The following CSF3R variants were observed in gnomAD, a reference collection of about 807,000 sequenced individuals.
CSF3R encodes colony stimulating factor 3 receptor.
CSF3R carries 52 observed loss-of-function variants against 84.4 expected under a neutral mutation model. The ratio of observed to expected loss-of-function variants is 0.62; its 90% CI spans 0.49 to 0.78. The LOEUF is 0.78. CSF3R is among the 30% of genes least tolerant of loss of function. The pLI, the probability that CSF3R is intolerant of heterozygous loss-of-function variation, is 0.00. For missense variants in CSF3R, 890 were observed against 1,055.7 expected, an observed-to-expected ratio of 0.84 and a Z score of 2.17; for synonymous variants, 384 against 429.1, an observed-to-expected ratio of 0.89 and a Z score of 1.30.
chr1:36,474,527 C>T (rs1295932418), intron 4 of CSF3R, among the ~76,000 whole-genome samples: 7 of 151,382 alleles, frequency 4.6e-5, no homozygotes, highest in Non-Finnish European at 4.4e-5. Flanking sequence ...GTTGGCCAGG[C>T]TGTTCTCAAA....
intron 11 of CSF3R, 136 bp downstream of exon 11, chr1:36,469,516 A>G (rs1570582202): frequency 1.8e-6 from 2 of 1,113,702 alleles, no homozygotes; most frequent in African/African-American, 1.5e-5. Context: ...AGGATATGAA[A>G]TGAGAACAAC....
chr1:36,467,928 G>A lies in CSF3R; in HGVS notation c.1758C>T (p.Val586=). The part of the protein sequence containing the change: ...AILNASSRGF[V]LHGLEPASLY... ...GACTGGCGGGCTCCAGGCCATGGAG[G>A]ACAAAGCCACGGGAGGAGGCATTCA... is the stretch of plus-strand genomic sequence containing the variant. The change falls in exon 14 of 17, where the codon GTC becomes GTT. Residue 586 remains valine, a synonymous_variant. Transcript: ENST00000373106. The surrounding 1 kb of genome is among the most constrained non-coding windows in gnomAD (Gnocchi z 4.1). 1 of 1,614,224 alleles carries A rather than the reference G, an allele frequency of 6.2e-7. No homozygotes were observed. The highest frequency in any genetic ancestry group is 1.1e-5 in the South Asian group (1 of 91,092).
chr1:36,467,452 G>T lies in CSF3R; in HGVS notation c.1958+106C>A. On this transcript the variant is annotated intron_variant, in intron 15 of 16. Transcript: ENST00000373106. The surrounding 1 kb of genome is among the most constrained non-coding windows in gnomAD (Gnocchi z 4.1). ...TGGGGGCTGGGACTCTCAGACATGG[G>T]CCCCAAAGTTTGGGAAGGCTGGAAG... 1 of 1,418,486 alleles carries T rather than the reference G, an allele frequency of 7.0e-7. No homozygotes were observed. Among genetic ancestry groups the T allele is most frequent in the Non-Finnish European group, 1.0e-6 (1 of 1,003,800 alleles). 87.9% of individuals were successfully genotyped at this position (1,418,486 alleles called of 1,614,324 possible).
intron 3 of CSF3R, chr1:36,475,914 T>C: frequency 2.0e-6 from 1 of 507,432 alleles, no homozygotes. Context: ...AGACCCTGGT[T>C]TGTAGTGTGT....
At chr1:36,471,248 T>C (rs1335203733) in intron 10 of CSF3R, among the ~76,000 whole-genome samples, 185 bp downstream of exon 10, 2 of 152,190 alleles carry the variant, frequency 1.3e-5, no homozygotes, top group African/African-American at 2.4e-5. Context: ...GGTTTCACCA[T>C]GTAGGCCAGG....
At position 36,475,466 on chromosome 1, in the gene CSF3R, T is replaced by C. The variant is rs148307285; in HGVS notation, c.272A>G (p.His91Arg). Residue 91 changes from histidine (H) to arginine (R), a missense_variant, in exon 4 of 17, where the codon CAC becomes CGC. His to Arg is a conservative substitution (Grantham distance 29). Coordinates refer to ENST00000373106, the MANE Select transcript of CSF3R (RefSeq NM_000760.4). Reference protein sequence around the residue: ...GTQESIITLPHLNHTQAFLSC... With the variant: ...GTQESIITLPRLNHTQAFLSC... ...GAGAAAGGCCTGAGTGTGGTTGAGG[T>C]GGGGCAGGGTGATGATAGATTCCTG... The C allele has an allele frequency of 5.1e-5, 83 of 1,613,912 alleles. No homozygotes were observed. The African/African-American group carries it at 9.7e-4, about 19-fold the overall frequency.
At chr1:36,474,891 T>G (rs2124133540) in intron 4 of CSF3R, among the ~76,000 whole-genome samples, 1 of 152,282 alleles carries the variant, frequency 6.6e-6, no homozygotes, top group African/African-American at 2.4e-5. Context: ...AACCTCAGTT[T>G]CATCATCTGC....
intron 11 of CSF3R, 24 bp downstream of exon 11, chr1:36,469,628 C>T (rs2124109211): frequency 6.2e-7 from 1 of 1,613,472 alleles, no homozygotes. Flanking sequence ...CCTGGCCCTG[C>T]CCAACTTTCC....
At chr1:36,477,862 C>T (rs1177355796) in intron 3 of CSF3R, among the ~76,000 whole-genome samples, 1 of 151,548 alleles carries the variant, frequency 6.6e-6, no homozygotes, top group Non-Finnish European at 1.5e-5. Context: ...GGGCTCACGC[C>T]ATTGTCCTGC....
At position 36,466,750 on chromosome 1, in the gene CSF3R, C is replaced by T. The variant is rs776938018; in HGVS notation, c.2118G>A (p.Pro706=). The T allele has an allele frequency of 5.9e-5, 96 of 1,614,052 alleles. No individual in the cohort carries two copies. The highest frequency in any genetic ancestry group is 6.6e-5 in the South Asian group (6 of 91,090). Residue 706 remains proline (P), a synonymous_variant, in exon 17 of 17, where the codon CCG becomes CCA. Coordinates refer to ENST00000373106, the MANE Select transcript of CSF3R (RefSeq NM_000760.4). The surrounding 1 kb of genome is among the most constrained non-coding windows in gnomAD (Gnocchi z 4.6). ...AGCTGTTATGGGACTCCCAGGGCAC[C>T]GGCTTCTTTTCATCCTCCTCCAGCA... is the stretch of plus-strand genomic sequence containing the variant. ...LTVLEEDEKK[P]VPWESHNSSE... is the part of the protein sequence containing the mutation.
At chr1:36,476,739 C>T (rs747985134) in intron 3 of CSF3R, among the ~76,000 whole-genome samples, 1 of 152,106 alleles carries the variant, frequency 6.6e-6, no homozygotes, top group Non-Finnish European at 1.5e-5. Context: ...CGGCTCAGTG[C>T]ACCCTTGACC....
Position 36,466,833 on chromosome 1 carries a change from C to T in CSF3R, c.2041-6G>A. 6 of 1,614,146 alleles carry T rather than the reference C, an allele frequency of 3.7e-6. No homozygotes were observed. Among genetic ancestry groups the T allele is most frequent in the South Asian group, 1.1e-5 (1 of 91,084 alleles). On this transcript the variant is annotated splice_region_variant and splice_polypyrimidine_tract_variant and intron_variant, in intron 16 of 16. Coordinates refer to ENST00000373106, the MANE Select transcript of CSF3R (RefSeq NM_000760.4). The surrounding 1 kb of genome is among the most constrained non-coding windows in gnomAD (Gnocchi z 4.6). ...CCGGGCAGCTGGAAGGCATCCTGCA[C>T]ACAAGGATGTGGGGTGAGAGCACGG...
intron 3 of CSF3R, among the ~76,000 whole-genome samples, chr1:36,478,256 C>T (rs1351123433): frequency 2.6e-5 from 4 of 151,736 alleles, no homozygotes; most frequent in Admixed American, 6.6e-5. Context: ...GGGCTGGGCG[C>T]GGTGGTTCAT....
In CSF3R at chr1:36,466,603, CA is replaced by C. The variant is rs753953063; in HGVS notation, c.2264del (p.Leu755ArgfsTer47). On this transcript the variant is annotated frameshift_variant, in exon 17 of 17. Transcript: ENST00000373106. LOFTEE classifies it high-confidence loss of function. This position sits in a 1 kb window ranked among gnomAD's most constrained non-coding sequence, Gnocchi z 4.6. ...GCCCTGGGCTTGTGGGGCTGCCCAG[CA>C]GCTGCCCATAAAGGACCTGATCGCT... ...GTSDQVLYGQ[L>X]LGSPTSPGPG... 1 of 1,613,312 alleles carries C rather than the reference CA, an allele frequency of 6.2e-7. No individual in the cohort carries two copies. The highest frequency in any genetic ancestry group is 8.5e-7 in the Non-Finnish European group (1 of 1,179,484).
chr1:36,475,585 G>A lies in CSF3R; in HGVS notation c.153C>T (p.Asn51=), dbSNP rs1557597591. ...GTGGCTCCGGGTCCAGATGGCTGCA[G>A]TTCTGCTTGATGATGCAGGAGGCTG... ...PITASCIIKQ[N]CSHLDPEPQI... is the part of the protein sequence containing the mutation. Residue 51 remains asparagine, a synonymous_variant, in exon 4 of 17, where the codon AAC becomes AAT. Transcript: ENST00000373106. 1 of 1,612,438 alleles carries A rather than the reference G, an allele frequency of 6.2e-7. No homozygotes were observed. Among genetic ancestry groups the A allele is most frequent in the African/African-American group, 1.3e-5 (1 of 75,006 alleles).
chr1:36,473,209 C>A (rs775351188), intron 6 of CSF3R: 31 of 593,088 alleles, frequency 5.2e-5, no homozygotes, highest in Non-Finnish European at 8.7e-5. Flanking sequence ...ACGCTGAAAG[C>A]ATGACTGAAT....
At chr1:36,473,060 C>A (rs773031852) in intron 6 of CSF3R, 3 of 396,840 alleles carry the variant, frequency 7.6e-6, no homozygotes, top group East Asian at 4.7e-5. Context: ...CCTTTAATTT[C>A]TCCTTTCTGC....
At position 36,472,359 on chromosome 1, in the gene CSF3R, A is replaced by G; in HGVS notation, c.876T>C (p.Tyr292=). ...VGPLPLEALQ[Y]ELCGLLPATA... Reference sequence around the variant, plus strand: ...TGGCTGGGAGGAGCCCGCAGAGCTCATACTGAAGGGCCTCCAAGGGGAGGG... The same window carrying G: ...TGGCTGGGAGGAGCCCGCAGAGCTCGTACTGAAGGGCCTCCAAGGGGAGGG... Residue 292 remains tyrosine, a synonymous_variant, in exon 8 of 17, where the codon TAT becomes TAC. Transcript: ENST00000373106. This position sits in a 1 kb window ranked among gnomAD's most constrained non-coding sequence, Gnocchi z 5.0. 6.2e-7 allele frequency: 1 copy of G among 1,614,106 alleles called. No homozygotes were observed. The highest frequency in any genetic ancestry group is 8.5e-7 in the Non-Finnish European group (1 of 1,179,984).
intron 3 of CSF3R, 155 bp from the exon 4 acceptor site, chr1:36,475,828 T>C: frequency 1.4e-6 from 1 of 715,864 alleles, no homozygotes; most frequent in South Asian, 2.0e-5. Context: ...GACGGAGACT[T>C]CGAGAGGCTA....
Sources: allele counts gnomAD v4.1 joint callset (sites outside exome capture counted in the v4.1 genomes callset), GRCh38; gene constraint gnomAD v4.1.1; non-coding constraint Gnocchi (gnomAD v3.1); transcripts MANE v1.5; gene names NCBI Gene and HGNC (gene_info 2026-07-23, HGNC 2026-07-21).